The following EXTL3 variants were observed in gnomAD, a reference collection of about 807,000 sequenced individuals.
EXTL3 encodes the protein exostosin-like 3.
A neutral mutation model predicts 69.3 loss-of-function variants in EXTL3; 27 were observed. That is an observed-to-expected ratio of 0.39 (90% CI 0.29 to 0.54). The LOEUF (loss-of-function observed/expected upper bound fraction) is 0.54, where lower values mean the gene tolerates loss of function less well. Ranked by LOEUF, EXTL3 falls within the 20% of genes least tolerant of loss-of-function variation. The pLI is 0.69. For missense variants in EXTL3, 1,003 were observed against 1,231.8 expected (o/e 0.81, Z 2.78); for synonymous variants, 511 against 499.4 (o/e 1.02, Z -0.31).
At chr8:28,701,936 CCGCCCCCACA>C (rs1174875656) in intron 1 of EXTL3, among the ~76,000 whole-genome samples, 1 of 152,166 alleles carries the variant, frequency 6.6e-6, no homozygotes, top group African/African-American at 2.4e-5. Context: ...CACCCCCTCC[CCGCCCCCACA>C]CGCCCTCTCT....
At chr8:28,641,943 C>A (rs1405285870) in intron 1 of EXTL3, among the ~76,000 whole-genome samples, 1 of 152,172 alleles carries the variant, frequency 6.6e-6, no homozygotes, top group East Asian at 1.9e-4. Flanking sequence ...TCATGCCATT[C>A]TCCTGCCTCA....
chr8:28,681,557 C>T (rs976214236), intron 1 of EXTL3, among the ~76,000 whole-genome samples: 4 of 152,052 alleles, frequency 2.6e-5, no homozygotes, highest in South Asian at 2.1e-4. Context: ...GATAGACACT[C>T]GGGTTGATTT....
intron 2 of EXTL3, among the ~76,000 whole-genome samples, chr8:28,714,836 C>G (rs753984095): frequency 1.3e-5 from 2 of 152,346 alleles, no homozygotes; most frequent in Non-Finnish European, 2.9e-5. Flanking sequence ...GCATTGCCGT[C>G]TCCGTGCACC....
intron 1 of EXTL3, among the ~76,000 whole-genome samples, chr8:28,685,093 A>G (rs1807555072): frequency 6.6e-6 from 1 of 152,038 alleles, no homozygotes; most frequent in Non-Finnish European, 1.5e-5. Context: ...CTGGGATTAC[A>G]GGCACGTGCC....
At chr8:28,674,690 C>T (rs1807351417) in intron 1 of EXTL3, among the ~76,000 whole-genome samples, 1 of 152,180 alleles carries the variant, frequency 6.6e-6, no homozygotes, top group African/African-American at 2.4e-5. Context: ...AGAATGGGAT[C>T]TTGCAAGTTG....
chr8:28,629,628 GA>G lies in EXTL3; in HGVS notation c.-53+6819del, dbSNP rs1206114010. Among the ~76,000 whole-genome samples the G allele has an allele frequency of 5.3e-5, 8 of 152,138 alleles. No individual in the cohort carries two copies. The East Asian group carries it at 1.5e-3, about 29-fold the overall frequency. ...GGTAGAGTTGGAGGGGAGATGTTAT[GA>G]GATGAAGGTGGGCGGTGCCAAATGC... On this transcript the variant is annotated intron_variant, in intron 1 of 6. Transcript: ENST00000523149.
At chr8:28,729,292 CAA>C (rs72487306) in intron 3 of EXTL3, among the ~76,000 whole-genome samples, 18 of 74,032 alleles carry the variant, frequency 2.4e-4, no homozygotes, top group South Asian at 9.6e-4. Context: ...GACTCTATCT[CAA>C]AAAAAAAAAA....
chr8:28,653,727 C>G (rs943946908), intron 1 of EXTL3, among the ~76,000 whole-genome samples: 1 of 152,146 alleles, frequency 6.6e-6, no homozygotes, highest in Non-Finnish European at 1.5e-5. Context: ...GTTGATATGT[C>G]TATTTTTATG....
intron 1 of EXTL3, among the ~76,000 whole-genome samples, chr8:28,707,311 G>C (rs1222186660): frequency 1.3e-5 from 2 of 152,204 alleles, no homozygotes; most frequent in East Asian, 3.8e-4. Flanking sequence ...CCTTGAACAA[G>C]TTTCCTATCC....
chr8:28,635,811 A>G (rs1806645394), intron 1 of EXTL3, among the ~76,000 whole-genome samples: 1 of 152,156 alleles, frequency 6.6e-6, no homozygotes, highest in African/African-American at 2.4e-5. Flanking sequence ...ATTGTAATTC[A>G]GAGAAGACAT....
chr8:28,671,064 T>C (rs935110944), intron 1 of EXTL3, among the ~76,000 whole-genome samples: 1 of 151,900 alleles, frequency 6.6e-6, no homozygotes, highest in Non-Finnish European at 1.5e-5. Flanking sequence ...CACTGCAGCC[T>C]CCGCCTCCCG....
intron 1 of EXTL3, among the ~76,000 whole-genome samples, chr8:28,658,508 C>G (rs1298010350): frequency 6.6e-6 from 1 of 152,040 alleles, no homozygotes; most frequent in Non-Finnish European, 1.5e-5. Context: ...TCTTATACAC[C>G]TTTTCTGTAC....
intron 2 of EXTL3, among the ~76,000 whole-genome samples, chr8:28,714,924 A>G (rs1268536801): frequency 6.6e-6 from 1 of 152,258 alleles, no homozygotes; most frequent in Non-Finnish European, 1.5e-5. Context: ...AATGCCTCTC[A>G]TTTCTAAGTA....
upstream of EXTL3, among the ~76,000 whole-genome samples, chr8:28,622,299 C>T (rs1175869240): frequency 6.6e-6 from 1 of 152,260 alleles, no homozygotes; most frequent in African/African-American, 2.4e-5. Context: ...TACCGGACCC[C>T]AGCGACCGGC....
At chr8:28,608,186 C>G (rs1020570701) in intron 2 of EXTL3, among the ~76,000 whole-genome samples, 14 of 152,032 alleles carry the variant, frequency 9.2e-5, no homozygotes, top group African/African-American at 3.4e-4. Flanking sequence ...GAGAACTTCC[C>G]TTTGCAGCGA....
chr8:28,632,243 C>T (rs945646678), intron 1 of EXTL3, among the ~76,000 whole-genome samples: 1 of 151,816 alleles, frequency 6.6e-6, no homozygotes, highest in Non-Finnish European at 1.5e-5. Context: ...CCCATCTCTA[C>T]TAAAAATACA....
chr8:28,652,537 T>A (rs1292844093), intron 1 of EXTL3, among the ~76,000 whole-genome samples: 1 of 151,852 alleles, frequency 6.6e-6, no homozygotes, highest in Non-Finnish European at 1.5e-5. Flanking sequence ...GCCTATGGAC[T>A]CAGCTACTCA....
intron 1 of EXTL3, among the ~76,000 whole-genome samples, chr8:28,657,728 C>G (rs549782785): frequency 6.6e-6 from 1 of 151,716 alleles, no homozygotes; most frequent in African/African-American, 2.4e-5. Flanking sequence ...CATAAAGACC[C>G]GGGGGGAAAA....
At position 28,717,023 on chromosome 8, in the gene EXTL3, G is replaced by A; in HGVS notation, c.964G>A (p.Ala322Thr). 6.2e-7 allele frequency: 1 copy of A among 1,614,244 alleles called. No homozygotes were observed. The stretch of plus-strand genomic sequence containing the variant: ...CTTGGTCGTATCACCGCTGGTCCAT[G>A]CCATGTCTGAGCCCAACTTCATGGA... ...FDLVVSPLVH[A>T]MSEPNFMEIP... The change falls in exon 3 of 7, where the codon GCC (alanine) becomes ACC (threonine). Residue 322 changes from alanine (A) to threonine (T), a missense_variant. By Grantham distance (58) the Ala-to-Thr change is moderately conservative. This residue lies in a region of EXTL3 where 742 missense variants were observed against 815.4 expected (regional missense o/e 0.91). Coordinates refer to ENST00000220562, the MANE Select transcript of EXTL3 (RefSeq NM_001440.4). This position sits in a 1 kb window ranked among gnomAD's most constrained non-coding sequence, Gnocchi z 8.3.
Sources: gnomAD v4.1 joint callset for allele counts (sites outside exome capture counted in the v4.1 genomes callset) on GRCh38, gnomAD v4.1.1 for gene constraint, gnomAD v4.1.1 regional missense constraint, Gnocchi (gnomAD v3.1) non-coding constraint, MANE v1.5 for transcripts, NCBI Gene and HGNC (gene_info 2026-07-23, HGNC 2026-07-21) for gene names.